Variants in MGAT5 observed in about 807,000 individuals in gnomAD.
MGAT5 encodes alpha-1,6-mannosylglycoprotein 6-beta-N-acetylglucosaminyltransferase, also known as alpha-1,6-mannosylglycoprotein 6-beta-N-acetylglucosaminyltransferase A.
MGAT5 carries 30 observed loss-of-function variants against 94.3 expected under a neutral mutation model. That is an observed-to-expected ratio of 0.32 (90% CI 0.24 to 0.43). MGAT5 has a LOEUF of 0.43. MGAT5 is among the 20% of genes least tolerant of loss of function. MGAT5 has a pLI of 1.00. For missense variants in MGAT5, 691 were observed against 905.5 expected (o/e 0.76, Z 3.04); for synonymous variants, 310 against 322.9 (o/e 0.96, Z 0.43).
At chr2:134,151,504 C>A (rs1415400441) in intron 1 of MGAT5, among the ~76,000 whole-genome samples, 1 of 134,468 alleles carries the variant, frequency 7.4e-6, no homozygotes, top group Non-Finnish European at 1.6e-5. Context: ...TCACTCATGC[C>A]CTGTGGGACC....
Position 134,268,460 on chromosome 2 carries a change from T to G in MGAT5, c.242-1926T>G, listed in dbSNP as rs1354377710. ...TGGAGAGCCAGTTGATGCATTAGAC[T>G]TAGTGACAGAACAGGTGACTGACTC... is the stretch of plus-strand genomic sequence containing the variant. On this transcript the variant is annotated intron_variant, in intron 1 of 15. Coordinates refer to ENST00000281923, the MANE Select transcript of MGAT5 (RefSeq NM_002410.5). This position sits in a 1 kb window ranked among gnomAD's most constrained non-coding sequence, Gnocchi z 4.1. Among the ~76,000 whole-genome samples the G allele has an allele frequency of 6.6e-6, 1 of 152,206 alleles. No individual in the cohort carries two copies. The highest frequency in any genetic ancestry group is 2.4e-5 in the African/African-American group (1 of 41,458).
chr2:134,416,392 G>A (rs1558870696), intron 12 of MGAT5, among the ~76,000 whole-genome samples: 1 of 151,650 alleles, frequency 6.6e-6, no homozygotes, highest in Non-Finnish European at 1.5e-5. Flanking sequence ...TATAATGTCT[G>A]TCCTTTTGTG....
intron 1 of MGAT5, among the ~76,000 whole-genome samples, chr2:134,144,697 G>C (rs1057171884): frequency 6.6e-6 from 1 of 152,144 alleles, no homozygotes; most frequent in Non-Finnish European, 1.5e-5. Context: ...TTATAAGTTG[G>C]CAGTAGTACA....
intron 2 of MGAT5, among the ~76,000 whole-genome samples, chr2:134,304,210 T>G (rs1489425880): frequency 1.3e-5 from 2 of 152,180 alleles, no homozygotes; most frequent in Admixed American, 1.3e-4. Context: ...GGTTTTGGTA[T>G]GCATGCTAGC....
At position 134,195,054 on chromosome 2, in the gene MGAT5, T is replaced by C. The variant is rs192108481; in HGVS notation, c.-142-59208T>C. 1.6e-4 allele frequency among the ~76,000 whole-genome samples: 25 copies of C among 152,344 alleles called. No individual in the cohort carries two copies. In the East Asian group the frequency reaches 4.2e-3, roughly 26 times the overall value. Reference sequence around the variant, plus strand: ...AAGTCACATACCTATTTTATTTTTATGGCCTCTGATCTCAAATATCCCCCA... The same window carrying C: ...AAGTCACATACCTATTTTATTTTTACGGCCTCTGATCTCAAATATCCCCCA... On this transcript the variant is annotated intron_variant, in intron 1 of 16. Coordinates refer to the MGAT5 transcript ENST00000409645.
intron 1 of MGAT5, among the ~76,000 whole-genome samples, chr2:134,237,151 G>GCGCGCA (rs1222802831): frequency 6.7e-6 from 1 of 148,320 alleles, no homozygotes; most frequent in Non-Finnish European, 1.5e-5. Context: ...GTGTGTGTGC[G>GCGCGCA]CGTGTGTGTG....
intron 11 of MGAT5, among the ~76,000 whole-genome samples, chr2:134,411,765 G>GA (rs1213338642): frequency 1.3e-5 from 2 of 152,226 alleles, no homozygotes; most frequent in Non-Finnish European, 2.9e-5. Flanking sequence ...AAGACCGAGG[G>GA]AAAAACAGAA....
In MGAT5 at chr2:134,148,759, G is replaced by GTT. The variant is rs748584511; in HGVS notation, c.-143+28488_-143+28489dup. ...CTTGAAATTAAGTTCTCTTTCTTAG[G>GTT]TTTTTTTTTTTTTTTTTTTTTGAGA... On this transcript the variant is annotated intron_variant, in intron 1 of 16. Transcript: ENST00000409645. Among the ~76,000 whole-genome samples the GTT allele has an allele frequency of 2.6e-3, 312 of 118,698 alleles. 9 individuals carry two copies. Among genetic ancestry groups the GTT allele is most frequent in the African/African-American group, 5.4e-3 (164 of 30,098 alleles). The allele number at this position is 118,698 out of a possible 152,430, so 77.9% of individuals were successfully genotyped here.
intron 1 of MGAT5, among the ~76,000 whole-genome samples, chr2:134,189,620 T>TTTTTTTTTTTTGTTTTTTTTTTTTG (rs67734279): frequency 7.2e-6 from 1 of 138,282 alleles, no homozygotes; most frequent in Non-Finnish European, 1.5e-5. Context: ...TTTTTTTTTT[T>TTTTTTTTTTTTGTTTTTTTTTTTTG]AAGACAGAGT....
chr2:134,331,494 T>G (rs78214004), intron 4 of MGAT5, among the ~76,000 whole-genome samples: 268 of 152,236 alleles, frequency 1.8e-3, no homozygotes, highest in Middle Eastern at 6.8e-3. Context: ...ACAGTTTTAA[T>G]TTCTTAGACT....
At chr2:134,120,823 C>T (rs1573691646) in intron 1 of MGAT5, among the ~76,000 whole-genome samples, 1 of 151,954 alleles carries the variant, frequency 6.6e-6, no homozygotes, top group East Asian at 2.0e-4. Flanking sequence ...CCCCGAGCCC[C>T]TAGGGAGGAG....
At chr2:134,192,497 A>T (rs1197528756) in intron 1 of MGAT5, among the ~76,000 whole-genome samples, 1 of 152,138 alleles carries the variant, frequency 6.6e-6, no homozygotes, top group Non-Finnish European at 1.5e-5. Context: ...AGTTTTGGGG[A>T]TGTAAATCAG....
rs181936527 is a variant in MGAT5 at position 134,277,922 on chromosome 2, G to A, written c.406+7372G>A. ...CTGTTATCAATATTTAGCTCATCAC[G>A]AAATTCATGTTTTGTCAATAATCTC... On this transcript the variant is annotated intron_variant, in intron 2 of 15. Transcript: ENST00000281923. Among the ~76,000 whole-genome samples the A allele has an allele frequency of 7.9e-5, 12 of 152,224 alleles. No individual in the cohort carries two copies. In the East Asian group the frequency reaches 2.1e-3, roughly 27 times the overall value.
At chr2:134,294,830 T>C (rs994421058) in intron 2 of MGAT5, among the ~76,000 whole-genome samples, 8 of 152,222 alleles carry the variant, frequency 5.3e-5, no homozygotes, top group Admixed American at 5.2e-4. Flanking sequence ...TCTCAGCATT[T>C]CACAAGTTAC....
At chr2:134,199,647 A>ATT (rs1290575030) in intron 1 of MGAT5, among the ~76,000 whole-genome samples, 1 of 150,920 alleles carries the variant, frequency 6.6e-6, no homozygotes. Flanking sequence ...GTATTCCATG[A>ATT]TTTTTTTCTC....
At chr2:134,345,615 G>A (rs1688876544) in intron 8 of MGAT5, among the ~76,000 whole-genome samples, 1 of 152,098 alleles carries the variant, frequency 6.6e-6, no homozygotes, top group South Asian at 2.1e-4. Context: ...GTGGGTTTGG[G>A]ACCACGATTT....
At chr2:134,286,372 C>T (rs1685001518) in intron 2 of MGAT5, among the ~76,000 whole-genome samples, 1 of 152,062 alleles carries the variant, frequency 6.6e-6, no homozygotes, top group African/African-American at 2.4e-5. Flanking sequence ...TGGTTTCTTG[C>T]CTCATCCTGT....
intron 1 of MGAT5, among the ~76,000 whole-genome samples, chr2:134,204,532 C>T (rs1679942421): frequency 6.6e-6 from 1 of 151,864 alleles, no homozygotes; most frequent in Non-Finnish European, 1.5e-5. Context: ...AGAGAGCTGG[C>T]CAGTTGGTAG....
chr2:134,364,398 G>T (rs1292645739), intron 10 of MGAT5, among the ~76,000 whole-genome samples: 1 of 152,152 alleles, frequency 6.6e-6, no homozygotes, highest in Non-Finnish European at 1.5e-5. Context: ...TACTTGGGAG[G>T]CTGAGACAGG....
Sources: gnomAD v4.1 joint callset for allele counts (sites outside exome capture counted in the v4.1 genomes callset) on GRCh38, gnomAD v4.1.1 for gene constraint, Gnocchi (gnomAD v3.1) non-coding constraint, MANE v1.5 for transcripts, NCBI Gene and HGNC (gene_info 2026-07-23, HGNC 2026-07-21) for gene names.